The following NIBAN1 variants were observed in gnomAD, a reference collection of about 807,000 sequenced individuals.
NIBAN1 encodes the protein niban apoptosis regulator 1.
NIBAN1 carries 81 observed loss-of-function variants against 75.1 expected under a neutral mutation model. The ratio of observed to expected loss-of-function variants is 1.08; its 90% CI spans 0.90 to 1.30. The LOEUF is 1.30. NIBAN1 is among the 50% of genes most tolerant of loss of function. The pLI is 0.00. For synonymous variants in NIBAN1, 436 were observed against 424.8 expected (o/e 1.03, Z -0.32); for missense variants, 1,133 against 1,128.1 (o/e 1.00, Z -0.06).
chr1:184,878,148 T>C (rs1214567246), intron 5 of NIBAN1, among the ~76,000 whole-genome samples: 1 of 152,184 alleles, frequency 6.6e-6, no homozygotes, highest in African/African-American at 2.4e-5. Context: ...AACACTGCTT[T>C]AGACAACAGT....
At chr1:184,836,675 T>G (rs1286235083) in intron 5 of NIBAN1, among the ~76,000 whole-genome samples, 1 of 152,160 alleles carries the variant, frequency 6.6e-6, no homozygotes, top group Non-Finnish European at 1.5e-5. Flanking sequence ...AAGAAAAGTA[T>G]TAATAATCAA....
At chr1:184,860,442 G>GA (rs889130715) in intron 5 of NIBAN1, among the ~76,000 whole-genome samples, 15 of 152,098 alleles carry the variant, frequency 9.9e-5, no homozygotes, top group African/African-American at 3.4e-4. Flanking sequence ...CAGACATTGT[G>GA]AAAAAAATTG....
Position 184,967,920 on chromosome 1 carries a change from ACGGCCGGGCGCGGTGGCT to A in NIBAN1, c.55+6364_55+6381del, listed in dbSNP as rs1658840418. Among the ~76,000 whole-genome samples the A allele has an allele frequency of 3.2e-5, 2 of 61,902 alleles. 1 individual carries two copies. Among genetic ancestry groups the A allele is most frequent in the Non-Finnish European group, 9.1e-5 (2 of 22,056 alleles). 40.6% of individuals were successfully genotyped at this position (61,902 alleles called of 152,430 possible). ...GGTTGACTCTTAGAAATCACAACTC[ACGGCCGGGCGCGGTGGCT>A]CACGCCTGTAATCCCAGCACTTTGG... On this transcript the variant is annotated intron_variant, in intron 1 of 13. Transcript: ENST00000367511.
At chr1:184,823,802 G>A (rs2102224098) in intron 6 of NIBAN1, 60 bp from the exon 7 acceptor site, 6 of 1,445,758 alleles carry the variant, frequency 4.2e-6, no homozygotes, top group African/African-American at 2.8e-5. Flanking sequence ...CTGAGCATCA[G>A]GCCAACTAAA....
chr1:184,914,651 C>T (rs1290145081), intron 1 of NIBAN1, among the ~76,000 whole-genome samples: 14 of 151,796 alleles, frequency 9.2e-5, no homozygotes, highest in Non-Finnish European at 1.5e-4. Context: ...AACATGGTTA[C>T]TGTAGTGAAG....
At chr1:184,852,900 G>A (rs945019740) in intron 5 of NIBAN1, among the ~76,000 whole-genome samples, 4 of 152,084 alleles carry the variant, frequency 2.6e-5, no homozygotes, top group Non-Finnish European at 5.9e-5. Flanking sequence ...GTTGGACAGC[G>A]CTTGTCTAGG....
At chr1:184,899,394 C>A in intron 1 of NIBAN1, 85 bp from the exon 2 acceptor site, 1 of 1,390,692 alleles carries the variant, frequency 7.2e-7, no homozygotes, top group South Asian at 1.2e-5. Flanking sequence ...TCCCTCCAGT[C>A]TCTCTGTTTC....
In NIBAN1 at chr1:184,795,696, G is replaced by A. The variant is rs1483439813; in HGVS notation, c.2068C>T (p.Leu690Phe). The change falls in exon 14 of 14, where the codon CTT becomes TTT. Residue 690 changes from leucine to phenylalanine, a missense_variant. Coordinates refer to ENST00000367511, the MANE Select transcript of NIBAN1 (RefSeq NM_052966.4). The part of the protein sequence containing the change: ...CSSELEFGGT[L>F]EDEEPAQEEP... ...TCCTGGGCGGGTTCTTCATCCTCAA[G>A]GGTCCCTCCAAACTCCAGCTCTGAT... The A allele has an allele frequency of 6.2e-7, 1 of 1,614,018 alleles. No individual in the cohort carries two copies. The highest frequency in any genetic ancestry group is 2.2e-5 in the East Asian group (1 of 44,884).
chr1:184,896,352 T>C (rs1033752218), intron 2 of NIBAN1, among the ~76,000 whole-genome samples: 1 of 152,186 alleles, frequency 6.6e-6, no homozygotes, highest in African/African-American at 2.4e-5. Flanking sequence ...CACTTGTATG[T>C]CTTCTTTTGA....
At chr1:184,894,289 G>A (rs1656744403) in intron 2 of NIBAN1, 83 bp from the exon 3 acceptor site, 3 of 1,394,316 alleles carry the variant, frequency 2.2e-6, no homozygotes, top group African/African-American at 3.0e-5. Context: ...CTATTTCAAG[G>A]AATAGTTTAG....
intron 5 of NIBAN1, among the ~76,000 whole-genome samples, chr1:184,846,676 G>A (rs1264514892): frequency 3.6e-4 from 1 of 2,766 alleles, no homozygotes; most frequent in Non-Finnish European, 7.6e-4. Context: ...AAATTACTCT[G>A]AGCTACGGGA....
rs893404335 is a variant in NIBAN1 at position 184,796,682 on chromosome 1, C to T, written c.1667-585G>A. On this transcript the variant is annotated intron_variant, in intron 13 of 13. Coordinates refer to ENST00000367511, the MANE Select transcript of NIBAN1 (RefSeq NM_052966.4). ...CAACAGCAGGTGACATTTTTGACCA[C>T]AGGCCTCCTACTTATGGCTGTGCAG... Among the ~76,000 whole-genome samples, 4 of 152,336 alleles carry T rather than the reference C, an allele frequency of 2.6e-5. No individual in the cohort carries two copies. In the East Asian group the frequency reaches 5.8e-4, roughly 22 times the overall value.
intron 1 of NIBAN1, among the ~76,000 whole-genome samples, chr1:184,925,163 C>T (rs1016863995): frequency 6.6e-6 from 1 of 151,730 alleles, no homozygotes; most frequent in African/African-American, 2.4e-5. Flanking sequence ...CTAAAATGAC[C>T]CCTTTTGTCT....
At chr1:184,843,678 T>C (rs1655358826) in intron 5 of NIBAN1, among the ~76,000 whole-genome samples, 1 of 152,220 alleles carries the variant, frequency 6.6e-6, no homozygotes, top group Non-Finnish European at 1.5e-5. Context: ...AAGATTTGTA[T>C]TCTAAGACAG....
At chr1:184,952,961 A>C (rs1394080775) in intron 1 of NIBAN1, among the ~76,000 whole-genome samples, 1 of 152,242 alleles carries the variant, frequency 6.6e-6, no homozygotes. Flanking sequence ...GAAAATATAT[A>C]GAAATTCAGT....
chr1:184,931,877 T>C (rs1204693687), intron 1 of NIBAN1, among the ~76,000 whole-genome samples: 1 of 152,208 alleles, frequency 6.6e-6, no homozygotes, highest in Non-Finnish European at 1.5e-5. Context: ...GTACATAAAA[T>C]AGTGGTGTAC....
chr1:184,868,508 A>G (rs1309917519), intron 5 of NIBAN1: 1 of 152,232 alleles, frequency 6.6e-6, no homozygotes, highest in Admixed American at 6.5e-5. Flanking sequence ...GAACATTTAT[A>G]GAGTACACAG....
At chr1:184,804,783 T>C (rs574448577) in intron 11 of NIBAN1, among the ~76,000 whole-genome samples, 3 of 151,770 alleles carry the variant, frequency 2.0e-5, no homozygotes, top group Non-Finnish European at 2.9e-5. Flanking sequence ...TTTTTTTTTT[T>C]GTTTTTTTGT....
At chr1:184,837,976 T>G (rs1446346913) in intron 5 of NIBAN1, among the ~76,000 whole-genome samples, 1 of 152,224 alleles carries the variant, frequency 6.6e-6, no homozygotes, top group Non-Finnish European at 1.5e-5. Context: ...ATATCTTCCT[T>G]AAACTTGACC....
Sources: allele counts gnomAD v4.1 joint callset (sites outside exome capture counted in the v4.1 genomes callset), GRCh38; gene constraint gnomAD v4.1.1; transcripts MANE v1.5; gene names NCBI Gene and HGNC (gene_info 2026-07-23, HGNC 2026-07-21).